The following EBF1 variants were observed in gnomAD, a reference collection of about 807,000 sequenced individuals.
The protein encoded by EBF1 is EBF transcription factor 1, also known as transcription factor COE1.
Under a neutral mutation model 68.4 loss-of-function variants are expected in EBF1, and 10 were observed. That is an observed-to-expected ratio of 0.15 (90% CI 0.09 to 0.25). The LOEUF is 0.25. Among genes scored for constraint, EBF1 ranks in the 10% least tolerant of loss-of-function variants. The pLI is 1.00. For missense variants in EBF1, 509 were observed against 794.4 expected (o/e 0.64, Z 4.32); for synonymous variants, 298 against 299.8 (o/e 0.99, Z 0.06).
intron 6 of EBF1, among the ~76,000 whole-genome samples, chr5:158,935,291 G>A (rs1811747238): frequency 6.6e-6 from 1 of 152,076 alleles, no homozygotes; most frequent in African/African-American, 2.4e-5. Flanking sequence ...GCACAGTTAA[G>A]GTGAACTCAG....
At chr5:159,092,402 G>C (rs574982810) in intron 4 of EBF1, among the ~76,000 whole-genome samples, 64 of 152,260 alleles carry the variant, frequency 4.2e-4, no homozygotes, top group African/African-American at 1.5e-3. Flanking sequence ...ATAGGGATAA[G>C]GGATCTCAGA....
chr5:158,792,836 T>G (rs1778918376), intron 9 of EBF1, among the ~76,000 whole-genome samples: 1 of 152,138 alleles, frequency 6.6e-6, no homozygotes, highest in African/African-American at 2.4e-5. Flanking sequence ...ATCACAAACA[T>G]ATACAACTGG....
At chr5:158,823,114 A>C in intron 8 of EBF1, 62 bp downstream of exon 8, 1 of 1,610,968 alleles carries the variant, frequency 6.2e-7, no homozygotes, top group Non-Finnish European at 8.5e-7. Context: ...GAGTGGAAGA[A>C]AGAAACCAAA....
At chr5:158,930,270 TTG>T (rs1491182628) in intron 6 of EBF1, among the ~76,000 whole-genome samples, 20 of 110,134 alleles carry the variant, frequency 1.8e-4, no homozygotes, top group South Asian at 8.5e-4. Flanking sequence ...GTTTTTTTTT[TTG>T]TTTGTTTTTT....
chr5:158,808,834 G>C (rs147985553), intron 8 of EBF1, among the ~76,000 whole-genome samples: 1 of 152,242 alleles, frequency 6.6e-6, no homozygotes, highest in Non-Finnish European at 1.5e-5. Context: ...AACATCCTTT[G>C]CATGTTCCCA....
chr5:159,070,244 G>C (rs1426037226), intron 6 of EBF1, among the ~76,000 whole-genome samples: 2 of 152,050 alleles, frequency 1.3e-5, no homozygotes, highest in Non-Finnish European at 1.5e-5. Context: ...AATGTAACCT[G>C]GCATTCAACT....
intron 6 of EBF1, among the ~76,000 whole-genome samples, chr5:158,925,071 G>A (rs2127418198): frequency 6.6e-6 from 1 of 152,100 alleles, no homozygotes; most frequent in South Asian, 2.1e-4. Flanking sequence ...CAATCTCAGG[G>A]CCTTTGCACA....
intron 6 of EBF1, among the ~76,000 whole-genome samples, chr5:158,841,919 A>G (rs980282801): frequency 8.5e-5 from 13 of 152,242 alleles, no homozygotes; most frequent in Admixed American, 7.9e-4. Context: ...CTGCCCATCA[A>G]TGAAAGCAGG....
At chr5:158,976,328 G>C (rs951553588) in intron 6 of EBF1, among the ~76,000 whole-genome samples, 4 of 151,910 alleles carry the variant, frequency 2.6e-5, no homozygotes, top group Admixed American at 2.0e-4. Flanking sequence ...TCTTTGTTGG[G>C]TACTTTTCCT....
At chr5:158,993,386 A>G (rs980301568) in intron 6 of EBF1, among the ~76,000 whole-genome samples, 4 of 152,176 alleles carry the variant, frequency 2.6e-5, no homozygotes, top group African/African-American at 4.8e-5. Flanking sequence ...AGTGTGACCT[A>G]CAAAGAGGTC....
At chr5:159,041,196 T>C (rs1317725897) in intron 6 of EBF1, among the ~76,000 whole-genome samples, 2 of 152,158 alleles carry the variant, frequency 1.3e-5, no homozygotes, top group Admixed American at 6.5e-5. Context: ...TTTCTGAAAT[T>C]CCAATTATGC....
intron 6 of EBF1, among the ~76,000 whole-genome samples, chr5:158,989,831 T>A (rs1262288243): frequency 1.3e-5 from 2 of 152,106 alleles, no homozygotes; most frequent in African/African-American, 4.8e-5. Flanking sequence ...CCAGACAATA[T>A]CCGTTGACTG....
At chr5:159,022,275 C>A (rs772563162) in intron 6 of EBF1, among the ~76,000 whole-genome samples, 1 of 152,206 alleles carries the variant, frequency 6.6e-6, no homozygotes, top group Non-Finnish European at 1.5e-5. Context: ...TATCAAAACA[C>A]AGAGGAAATG....
chr5:158,837,540 T>G (rs569675954), intron 7 of EBF1, among the ~76,000 whole-genome samples: 125 of 152,230 alleles, frequency 8.2e-4, no homozygotes, highest in Non-Finnish European at 1.4e-3. Context: ...TCCAGATATC[T>G]ATGTTGTGCC....
At chr5:158,829,524 C>T (rs1450346360) in intron 7 of EBF1, among the ~76,000 whole-genome samples, 2 of 149,222 alleles carry the variant, frequency 1.3e-5, no homozygotes, top group African/African-American at 2.5e-5. Flanking sequence ...AATATTGGCA[C>T]ATCAATTGTA....
Position 158,800,615 on chromosome 5 carries a change from G to A in EBF1, c.779-4140C>T, listed in dbSNP as rs138264530. Among the ~76,000 whole-genome samples the A allele has an allele frequency of 6.3e-3, 954 of 152,206 alleles. 14 individuals carry two copies. Among genetic ancestry groups the A allele is most frequent in the African/African-American group, 0.021 (882 of 41,536 alleles). ...AAAATAAAACAAACAAAACAGCTGC[G>A]CTGACCCTGAGCCTCCCCTTCTCTC... On this transcript the variant is annotated intron_variant, in intron 8 of 15. Coordinates refer to ENST00000313708, the MANE Select transcript of EBF1 (RefSeq NM_024007.5).
chr5:159,053,771 G>T (rs1467478666), intron 6 of EBF1, among the ~76,000 whole-genome samples: 2 of 152,172 alleles, frequency 1.3e-5, no homozygotes, highest in African/African-American at 4.8e-5. Context: ...ACTTTATTTT[G>T]ACAACTCTTT....
At chr5:158,712,944 A>G in intron 13 of EBF1, 26 bp downstream of exon 13, 2 of 1,406,068 alleles carry the variant, frequency 1.4e-6, no homozygotes, top group Admixed American at 2.6e-5. Context: ...AAGGTTGGGG[A>G]GGGAAGAGAA....
chr5:159,073,544 G>T, intron 5 of EBF1, 80 bp from the exon 6 acceptor site: 1 of 1,499,552 alleles, frequency 6.7e-7, no homozygotes, highest in Non-Finnish European at 9.3e-7. Flanking sequence ...GGCTCAAATT[G>T]CTGGGTTGCA....
Sources: allele counts gnomAD v4.1 joint callset (sites outside exome capture counted in the v4.1 genomes callset), GRCh38; gene constraint gnomAD v4.1.1; transcripts MANE v1.5; gene names NCBI Gene and HGNC (gene_info 2026-07-23, HGNC 2026-07-21).